Variants in UMODL1 observed in about 807,000 individuals in gnomAD.
UMODL1 encodes the protein uromodulin like 1, also known as uromodulin-like 1.
Under a neutral mutation model 136.3 loss-of-function variants are expected in UMODL1, and 128 were observed. That is an observed-to-expected ratio of 0.94 (90% CI 0.81 to 1.09). UMODL1 has a LOEUF of 1.09. Ranked by LOEUF, UMODL1 falls within the 50% of genes least tolerant of loss-of-function variation. UMODL1 has a pLI of 0.00. For missense variants in UMODL1, 1,766 were observed against 1,725.6 expected, an observed-to-expected ratio of 1.02 and a Z score of -0.41; for synonymous variants, 721 against 720.0, an observed-to-expected ratio of 1.00 and a Z score of -0.02.
At chr21:42,106,345 G>C (rs879216528) in intron 9 of UMODL1, among the ~76,000 whole-genome samples, 1 of 152,172 alleles carries the variant, frequency 6.6e-6, no homozygotes, top group Non-Finnish European at 1.5e-5. Flanking sequence ...AACAAGAAAC[G>C]AAAACACAAA....
At chr21:42,130,450 TG>T (rs1485565007) in intron 21 of UMODL1, among the ~76,000 whole-genome samples, 2 of 151,912 alleles carry the variant, frequency 1.3e-5, no homozygotes, top group Non-Finnish European at 2.9e-5. Flanking sequence ...TACATTGGTT[TG>T]GGGAAAATTG....
intron 21 of UMODL1, among the ~76,000 whole-genome samples, chr21:42,136,350 C>A (rs150737006): frequency 3.9e-5 from 6 of 152,232 alleles, no homozygotes; most frequent in African/African-American, 1.4e-4. Flanking sequence ...CAACTTCATA[C>A]GCATGAGTCC....
intron 9 of UMODL1, 91 bp from the exon 10 acceptor site, chr21:42,109,471 G>T: frequency 6.4e-7 from 1 of 1,555,200 alleles, no homozygotes; most frequent in East Asian, 2.3e-5. Flanking sequence ...CTGCAAAGAC[G>T]GCTAGGAAGG....
At chr21:42,118,883 T>C (rs543441530) in intron 14 of UMODL1, among the ~76,000 whole-genome samples, 1 of 90,562 alleles carries the variant, frequency 1.1e-5, no homozygotes, top group East Asian at 3.8e-4. Context: ...GTTTACTGGT[T>C]TGGGGGGGGA....
intron 6 of UMODL1, among the ~76,000 whole-genome samples, chr21:42,092,869 A>G (rs1468627017): frequency 2.0e-5 from 3 of 149,008 alleles, no homozygotes; most frequent in African/African-American, 7.4e-5. Flanking sequence ...TTTTTTTTTC[A>G]GAAGAGGAAA....
At chr21:42,104,757 G>T (rs1056608104) in intron 9 of UMODL1, among the ~76,000 whole-genome samples, 5 of 152,200 alleles carry the variant, frequency 3.3e-5, no homozygotes, top group Non-Finnish European at 7.3e-5. Flanking sequence ...GCCTCTGTGG[G>T]TCTATTTCAT....
intron 9 of UMODL1, among the ~76,000 whole-genome samples, chr21:42,109,229 G>T (rs2066779808): frequency 2.0e-5 from 3 of 152,186 alleles, no homozygotes; most frequent in African/African-American, 7.2e-5. Context: ...ATTGGAGAAT[G>T]TTGGCACATC....
At chr21:42,074,649 A>G (rs938497468) in intron 1 of UMODL1, among the ~76,000 whole-genome samples, 1 of 152,164 alleles carries the variant, frequency 6.6e-6, no homozygotes, top group Non-Finnish European at 1.5e-5. Flanking sequence ...GGGGCCCAAT[A>G]GGGTAAACCT....
chr21:42,076,992 C>T (rs2066298959), intron 2 of UMODL1, among the ~76,000 whole-genome samples: 1 of 129,824 alleles, frequency 7.7e-6, no homozygotes, highest in Admixed American at 8.0e-5. Flanking sequence ...GTGATCTCTT[C>T]CAGGGGAGGG....
chr21:42,114,518 G>A (rs1186912833), intron 13 of UMODL1, among the ~76,000 whole-genome samples: 1 of 151,448 alleles, frequency 6.6e-6, no homozygotes, highest in East Asian at 1.9e-4. Flanking sequence ...GCACGGTGGG[G>A]CGCACACCCC....
intron 22 of UMODL1, among the ~76,000 whole-genome samples, chr21:42,140,751 G>A (rs1287518913): frequency 2.0e-5 from 3 of 152,294 alleles, no homozygotes; most frequent in South Asian, 2.1e-4. Context: ...GAGCCTCCCC[G>A]GGAGGCAGGT....
rs774957682 is a variant in UMODL1, at chr21:42,126,275, C to T, written c.3148-70C>T. On this transcript the variant is annotated intron_variant, in intron 17 of 22. Coordinates refer to ENST00000408910, the MANE Select transcript of UMODL1 (RefSeq NM_001004416.3). Reference sequence around the variant, plus strand: ...CCCCCATCCCCCCAGCACCTAGAGCCGTGGCCCACAGCAGGGCGTGGGGGG... The same window carrying T: ...CCCCCATCCCCCCAGCACCTAGAGCTGTGGCCCACAGCAGGGCGTGGGGGG... 1.3e-4 allele frequency: 212 copies of T among 1,599,200 alleles called. 1 individual carries two copies. The highest frequency in any genetic ancestry group is 3.5e-4 in the South Asian group (32 of 90,182).
At position 42,102,320 on chromosome 21, in the gene UMODL1, T is replaced by C. The variant is rs752725847; in HGVS notation, c.1299+42T>C. The C allele has an allele frequency of 5.6e-6, 8 of 1,432,082 alleles. No individual in the cohort carries two copies. In the Admixed American group the frequency reaches 1.4e-4, roughly 25 times the overall value. The allele number at this position is 1,432,082 out of a possible 1,614,324, so 88.7% of individuals were successfully genotyped here. On this transcript the variant is annotated intron_variant, in intron 8 of 22. Transcript: ENST00000408910. Reference sequence around the variant, plus strand: ...GACAGAAATCTTTTCTTGGGTGTTCTGAGTGAGGACATCAAACACAAGCCG... The same window carrying C: ...GACAGAAATCTTTTCTTGGGTGTTCCGAGTGAGGACATCAAACACAAGCCG...
intron 2 of UMODL1, among the ~76,000 whole-genome samples, chr21:42,082,699 A>G (rs921454564): frequency 2.6e-5 from 4 of 152,082 alleles, no homozygotes; most frequent in African/African-American, 9.7e-5. Flanking sequence ...AGATGGGGTC[A>G]TCTCCTGCCC....
chr21:42,084,303 C>G (rs1302470167), intron 3 of UMODL1, 58 bp downstream of exon 3: 2 of 1,578,952 alleles, frequency 1.3e-6, no homozygotes, highest in African/African-American at 1.4e-5. Flanking sequence ...TCGGTGAGGC[C>G]TGATCTGTGT....
At chr21:42,101,267 G>A (rs1418101740) in intron 7 of UMODL1, among the ~76,000 whole-genome samples, 2 of 152,080 alleles carry the variant, frequency 1.3e-5, no homozygotes, top group African/African-American at 4.8e-5. Flanking sequence ...GGAGGAGGCC[G>A]CCAGTCCACG....
At chr21:42,124,831 G>A (rs755796462) in intron 17 of UMODL1, among the ~76,000 whole-genome samples, 20 of 152,162 alleles carry the variant, frequency 1.3e-4, no homozygotes, top group African/African-American at 3.9e-4. Flanking sequence ...TGAAACCACC[G>A]TGGACCTGCT....
intron 5 of UMODL1, among the ~76,000 whole-genome samples, 164 bp from the exon 6 acceptor site, chr21:42,090,134 C>A (rs925748460): frequency 6.6e-6 from 1 of 152,192 alleles, no homozygotes; most frequent in African/African-American, 2.4e-5. Context: ...CCTTCTAAGA[C>A]GAGACTTCCA....
At chr21:42,126,120 C>T (rs1296011734) in intron 17 of UMODL1, among the ~76,000 whole-genome samples, 3 of 152,216 alleles carry the variant, frequency 2.0e-5, no homozygotes, top group African/African-American at 7.2e-5. Context: ...GGAATCCCCA[C>T]AGGTTCAGGT....
Sources: gnomAD v4.1 joint callset for allele counts (sites outside exome capture counted in the v4.1 genomes callset) on GRCh38, gnomAD v4.1.1 for gene constraint, MANE v1.5 for transcripts, NCBI Gene and HGNC (gene_info 2026-07-23, HGNC 2026-07-21) for gene names.